DLGAP2: variants seen among roughly 807,000 people sequenced by gnomAD.
The protein encoded by DLGAP2 is disks large-associated protein 2.
A neutral mutation model predicts 100.3 loss-of-function variants in DLGAP2; 26 were observed. The ratio of observed to expected loss-of-function variants is 0.26; its 90% confidence interval spans 0.19 to 0.36. The LOEUF (loss-of-function observed/expected upper bound fraction) is 0.36, where lower values mean the gene tolerates loss of function less well. Among genes scored for constraint, DLGAP2 ranks in the 10% least tolerant of loss-of-function variants. The probability of loss-of-function intolerance (pLI) is 1.00; values close to 1 mark genes in which losing one functional copy is unlikely to be tolerated. For synonymous variants in DLGAP2, 886 were observed against 630.1 expected (o/e 1.41, Z -6.08); for missense variants, 1,858 against 1,453.2 (o/e 1.28, Z -4.53).
intron 1 of DLGAP2, among the ~76,000 whole-genome samples, chr8:822,993 G>C (rs1161063511): frequency 1.3e-5 from 2 of 152,178 alleles, no homozygotes; most frequent in Non-Finnish European, 2.9e-5. Context: ...AAAGGGAAGA[G>C]AGGATTATTT....
intron 2 of DLGAP2, among the ~76,000 whole-genome samples, chr8:1,226,426 G>C (rs2123061): frequency 0.79 from 120,863 of 152,042 alleles, 48,193 homozygotes; most frequent in African/African-American, 0.85. Flanking sequence ...ACAATGAGAA[G>C]GTATGGACAC....
intron 12 of DLGAP2, among the ~76,000 whole-genome samples, chr8:1,679,690 A>G (rs974771962): frequency 6.6e-6 from 1 of 152,212 alleles, no homozygotes; most frequent in Admixed American, 6.5e-5. Flanking sequence ...CCTACCATCA[A>G]GACCGTTCAG....
chr8:1,663,785 A>C (rs2472102), intron 8 of DLGAP2, among the ~76,000 whole-genome samples: 1 of 152,206 alleles, frequency 6.6e-6, no homozygotes, highest in Admixed American at 6.5e-5. Context: ...AAGCAGAGCA[A>C]AACAAGCGTT....
intron 6 of DLGAP2, among the ~76,000 whole-genome samples, chr8:1,583,727 G>A (rs6558486): frequency 0.025 from 3,787 of 151,946 alleles, 139 homozygotes; most frequent in African/African-American, 0.079. Context: ...AGCACCTCTC[G>A]GCCACCAGCT....
chr8:1,507,143 C>G lies in DLGAP2; in HGVS notation c.172+5712C>G, dbSNP rs190996564. On this transcript the variant is annotated intron_variant, in intron 4 of 14. Transcript: ENST00000637795. ...GCGCTGGGGCCACGGGCAGAGCTGC[C>G]TGCCAGGCGCCTGCACTCCTCAGCC... Among the ~76,000 whole-genome samples the G allele has an allele frequency of 8.7e-3, 1,321 of 152,366 alleles. 8 individuals carry two copies. The highest frequency in any genetic ancestry group is 0.013 in the Non-Finnish European group (869 of 68,034).
chr8:1,478,047 A>G (rs1798984509), intron 3 of DLGAP2, among the ~76,000 whole-genome samples: 1 of 152,182 alleles, frequency 6.6e-6, no homozygotes, highest in Non-Finnish European at 1.5e-5. Flanking sequence ...TAAGGGGTAA[A>G]TGTGACCTTC....
At chr8:749,567 A>C (rs1297839439) in intron 1 of DLGAP2, among the ~76,000 whole-genome samples, 1 of 152,222 alleles carries the variant, frequency 6.6e-6, no homozygotes, top group Non-Finnish European at 1.5e-5. Flanking sequence ...GAGTGTGATT[A>C]AAACTTTCCC....
intron 3 of DLGAP2, among the ~76,000 whole-genome samples, chr8:1,265,939 T>C (rs1286767101): frequency 6.6e-6 from 1 of 152,212 alleles, no homozygotes; most frequent in Non-Finnish European, 1.5e-5. Flanking sequence ...AAAATCATTG[T>C]TTAATGATAA....
intron 2 of DLGAP2, among the ~76,000 whole-genome samples, chr8:985,090 G>A (rs960049975): frequency 2.0e-5 from 3 of 152,184 alleles, no homozygotes; most frequent in African/African-American, 7.2e-5. Flanking sequence ...ATGTTTCCAC[G>A]TAGTCATATC....
At chr8:1,344,270 C>T (rs550702147) in intron 3 of DLGAP2, among the ~76,000 whole-genome samples, 2 of 152,250 alleles carry the variant, frequency 1.3e-5, no homozygotes, top group Admixed American at 1.3e-4. Context: ...CCTCGAGCTA[C>T]GTGCCCAGGC....
At chr8:1,626,526 A>ATG (rs1797504179) in intron 6 of DLGAP2, among the ~76,000 whole-genome samples, 4 of 93,338 alleles carry the variant, frequency 4.3e-5, no homozygotes, top group Non-Finnish European at 8.1e-5. Context: ...TCTACCCTGC[A>ATG]GCAGGTGCTC....
intron 2 of DLGAP2, among the ~76,000 whole-genome samples, chr8:1,018,187 C>T (rs1042297383): frequency 6.6e-6 from 1 of 152,028 alleles, no homozygotes; most frequent in Admixed American, 6.6e-5. Context: ...TCACATGATC[C>T]CTGCCCCTAT....
At chr8:870,821 G>T (rs543811317) in intron 1 of DLGAP2, among the ~76,000 whole-genome samples, 5 of 152,038 alleles carry the variant, frequency 3.3e-5, no homozygotes, top group Non-Finnish European at 5.9e-5. Flanking sequence ...CTGCCGGGCC[G>T]GGCCTGGAGT....
chr8:1,148,701 T>C (rs1796647859), intron 2 of DLGAP2, among the ~76,000 whole-genome samples: 3 of 152,202 alleles, frequency 2.0e-5, no homozygotes, highest in Non-Finnish European at 4.4e-5. Flanking sequence ...TATTTCTTAA[T>C]TTTAAAATAA....
At chr8:1,635,723 A>G (rs1258347274) in intron 8 of DLGAP2, among the ~76,000 whole-genome samples, 2 of 152,270 alleles carry the variant, frequency 1.3e-5, no homozygotes, top group Non-Finnish European at 1.5e-5. Flanking sequence ...TTCACCTTGT[A>G]TAACTACAAA....
chr8:1,009,655 G>A (rs1444847821), intron 2 of DLGAP2, among the ~76,000 whole-genome samples: 2 of 152,222 alleles, frequency 1.3e-5, no homozygotes, highest in African/African-American at 4.8e-5. Flanking sequence ...TTAGCTCAAT[G>A]TTGGTTTTCA....
At chr8:1,506,250 C>T (rs1203332361) in intron 4 of DLGAP2, among the ~76,000 whole-genome samples, 2 of 152,170 alleles carry the variant, frequency 1.3e-5, no homozygotes, top group Non-Finnish European at 2.9e-5. Context: ...AAAACAAAAA[C>T]CCAGCTCTAC....
At chr8:863,018 A>G (rs1010120237) in intron 1 of DLGAP2, among the ~76,000 whole-genome samples, 6 of 152,206 alleles carry the variant, frequency 3.9e-5, no homozygotes, top group Non-Finnish European at 7.3e-5. Context: ...ATGGCAGTGA[A>G]ATGGATTTCA....
chr8:1,184,160 T>C (rs6998852), intron 2 of DLGAP2, among the ~76,000 whole-genome samples: 5,518 of 152,338 alleles, frequency 0.036, 377 homozygotes, highest in African/African-American at 0.13. Context: ...CGGTCTCTTT[T>C]ATGCAACCGT....
Sources: allele counts gnomAD v4.1 joint callset (sites outside exome capture counted in the v4.1 genomes callset), GRCh38; gene constraint gnomAD v4.1.1; transcripts MANE v1.5; gene names NCBI Gene and HGNC (gene_info 2026-07-23, HGNC 2026-07-21).